Variants in EYS observed in about 807,000 individuals in gnomAD.
EYS encodes the protein protein eyes shut homolog.
In EYS, 250 loss-of-function variants were observed where a neutral mutation model predicts 282.1. The ratio of observed to expected loss-of-function variants is 0.89; its 90% confidence interval spans 0.80 to 0.98. The LOEUF (loss-of-function observed/expected upper bound fraction) is 0.98. Ranked by LOEUF, EYS falls within the 50% of genes least tolerant of loss-of-function variation. The pLI is 0.00. For synonymous variants in EYS, 1,355 were observed against 1,282.9 expected (o/e 1.06, Z -1.20); for missense variants, 4,016 against 3,709.0 (o/e 1.08, Z -2.15).
At chr6:64,711,287 A>G (rs776543660) in intron 22 of EYS, among the ~76,000 whole-genome samples, 6 of 152,234 alleles carry the variant, frequency 3.9e-5, no homozygotes, top group Admixed American at 1.3e-4. Flanking sequence ...AATAGAAAAT[A>G]TATCTTTGTA....
intron 8 of EYS, among the ~76,000 whole-genome samples, chr6:65,381,705 T>A (rs1027683240): frequency 3.9e-5 from 6 of 152,084 alleles, no homozygotes; most frequent in African/African-American, 1.4e-4. Context: ...TTCATTTATA[T>A]CTAAAGATTA....
intron 1 of EYS, among the ~76,000 whole-genome samples, chr6:65,653,207 C>T (rs554325842): frequency 8.6e-5 from 13 of 151,954 alleles, no homozygotes; most frequent in Non-Finnish European, 1.9e-4. Flanking sequence ...TCCAAAACCA[C>T]CCAGAAGCAG....
At chr6:65,514,475 T>G (rs1463693934) in intron 2 of EYS, among the ~76,000 whole-genome samples, 3 of 152,194 alleles carry the variant, frequency 2.0e-5, no homozygotes, top group Middle Eastern at 3.2e-3. Context: ...AGAGCTTGCA[T>G]TGCCAAGTCA....
intron 14 of EYS, among the ~76,000 whole-genome samples, chr6:64,984,740 C>G (rs1302044201): frequency 6.6e-6 from 1 of 151,350 alleles, no homozygotes; most frequent in Admixed American, 6.6e-5. Flanking sequence ...TACAGTGCAG[C>G]CAGGGACATA....
chr6:64,263,412 T>A (rs1238908606), intron 30 of EYS, among the ~76,000 whole-genome samples: 1 of 152,120 alleles, frequency 6.6e-6, no homozygotes, highest in African/African-American at 2.4e-5. Context: ...ATATCTCATC[T>A]TCTTATTCTT....
chr6:65,432,313 T>C (rs1234831960), intron 5 of EYS, among the ~76,000 whole-genome samples: 1 of 152,142 alleles, frequency 6.6e-6, no homozygotes. Context: ...GATAACCATA[T>C]ATCACCTCCT....
intron 26 of EYS, among the ~76,000 whole-genome samples, chr6:64,441,744 C>A (rs1254061679): frequency 1.3e-5 from 2 of 152,110 alleles, no homozygotes; most frequent in Non-Finnish European, 2.9e-5. Flanking sequence ...ACAAGAGTTG[C>A]CCTGCACAAG....
rs1349064555 is a variant in EYS, at chr6:64,820,371, T to C, written c.3243+1274A>G. Among the ~76,000 whole-genome samples, 4 of 152,136 alleles carry C rather than the reference T, an allele frequency of 2.6e-5. No homozygotes were observed. In the East Asian group the frequency reaches 7.7e-4, roughly 29 times the overall value. ...ACATATGTCAAAAATGTCTATTTAC[T>C]GATATTTTAATACAAAACTAAGAAT... On this transcript the variant is annotated intron_variant, in intron 21 of 42. Transcript: ENST00000503581.
chr6:64,859,801 C>G (rs1183463846), intron 19 of EYS, among the ~76,000 whole-genome samples: 1 of 152,144 alleles, frequency 6.6e-6, no homozygotes, highest in East Asian at 1.9e-4. Flanking sequence ...TGAAAACAGA[C>G]TAATACAAAT....
intron 35 of EYS, among the ~76,000 whole-genome samples, chr6:63,954,124 C>T (rs1765712820): frequency 1.3e-5 from 2 of 152,192 alleles, no homozygotes; most frequent in Non-Finnish European, 2.9e-5. Flanking sequence ...CCACATTATT[C>T]TGGATACGAC....
intron 12 of EYS, among the ~76,000 whole-genome samples, chr6:65,172,184 C>G (rs1765120305): frequency 6.6e-6 from 1 of 151,080 alleles, no homozygotes; most frequent in Non-Finnish European, 1.5e-5. Context: ...AAAGTTTGTA[C>G]TTTTGATTAA....
intron 12 of EYS, among the ~76,000 whole-genome samples, chr6:65,188,763 G>GGAAA (rs1765570660): frequency 1.6e-5 from 1 of 62,816 alleles, no homozygotes; most frequent in African/African-American, 7.4e-5. Flanking sequence ...TTTATTGCAT[G>GGAAA]CAAAAAAAAA....
intron 19 of EYS, among the ~76,000 whole-genome samples, chr6:64,848,671 C>T (rs890404037): frequency 2.0e-5 from 3 of 152,014 alleles, no homozygotes; most frequent in African/African-American, 4.8e-5. Flanking sequence ...ACTGAACAAG[C>T]GAATGCAGCT....
chr6:63,735,519 T>C (rs890415290), intron 41 of EYS, among the ~76,000 whole-genome samples: 5 of 148,918 alleles, frequency 3.4e-5, no homozygotes, highest in African/African-American at 1.2e-4. Flanking sequence ...ACACACACCC[T>C]ACTTATTATT....
chr6:65,318,195 A>T (rs1467251584), intron 11 of EYS, among the ~76,000 whole-genome samples: 2 of 150,926 alleles, frequency 1.3e-5, no homozygotes, highest in Admixed American at 6.6e-5. Flanking sequence ...TTTACCGTGC[A>T]GTCCTCTCCA....
chr6:64,775,778 A>G (rs1363894901), intron 22 of EYS, among the ~76,000 whole-genome samples: 1 of 152,074 alleles, frequency 6.6e-6, no homozygotes, highest in Non-Finnish European at 1.5e-5. Flanking sequence ...ATTCCTATTC[A>G]ATATTCAAAA....
intron 22 of EYS, among the ~76,000 whole-genome samples, chr6:64,713,860 C>T (rs1476254178): frequency 6.6e-6 from 1 of 152,132 alleles, no homozygotes; most frequent in Non-Finnish European, 1.5e-5. Context: ...GGGACTATCC[C>T]ACTTTGGCAA....
chr6:64,744,179 T>C (rs1429000992), intron 22 of EYS, among the ~76,000 whole-genome samples: 1 of 152,218 alleles, frequency 6.6e-6, no homozygotes, highest in African/African-American at 2.4e-5. Context: ...ACACAGTTTT[T>C]AAGCAAATCA....
intron 26 of EYS, among the ~76,000 whole-genome samples, chr6:64,503,420 A>G (rs146576573): frequency 6.6e-6 from 1 of 152,192 alleles, no homozygotes; most frequent in Non-Finnish European, 1.5e-5. Flanking sequence ...AAATGTGATG[A>G]TGCTTTTTGA....
Sources: allele counts gnomAD v4.1 joint callset (sites outside exome capture counted in the v4.1 genomes callset), GRCh38; gene constraint gnomAD v4.1.1; transcripts MANE v1.5; gene names NCBI Gene and HGNC (gene_info 2026-07-23, HGNC 2026-07-21).